The following RBFOX1 variants were observed in gnomAD, a reference collection of about 807,000 sequenced individuals.
RBFOX1 encodes RNA binding fox-1 homolog 1, also known as RNA binding protein fox-1 homolog 1.
Under a neutral mutation model 57.7 loss-of-function variants are expected in RBFOX1, and 8 were observed. The observed-to-expected ratio is 0.14, with a 90% CI of 0.08 to 0.25. The LOEUF (loss-of-function observed/expected upper bound fraction) is 0.25, where lower values mean the gene tolerates loss of function less well. Among genes scored for constraint, RBFOX1 ranks in the 10% least tolerant of loss-of-function variants. The pLI is 1.00. For missense variants in RBFOX1, 611 were observed against 548.5 expected (o/e 1.11, Z -1.14); for synonymous variants, 326 against 222.4 (o/e 1.47, Z -4.15).
At chr16:6,739,762 G>T (rs1349987105) in intron 3 of RBFOX1, among the ~76,000 whole-genome samples, 2 of 151,866 alleles carry the variant, frequency 1.3e-5, no homozygotes, top group African/African-American at 4.8e-5. Flanking sequence ...CTGTAGTCTC[G>T]GCTCCTCGGG....
chr16:7,532,781 G>A (rs2080443705), intron 5 of RBFOX1, among the ~76,000 whole-genome samples: 1 of 152,306 alleles, frequency 6.6e-6, no homozygotes, highest in African/African-American at 2.4e-5. Context: ...GCTTTTGCAT[G>A]ATGACAGCAA....
At chr16:5,491,888 A>G (rs1454593628) in intron 2 of RBFOX1, among the ~76,000 whole-genome samples, 1 of 152,236 alleles carries the variant, frequency 6.6e-6, no homozygotes, top group African/African-American at 2.4e-5. Flanking sequence ...CAAACATACA[A>G]CAATGTCCAG....
intron 4 of RBFOX1, among the ~76,000 whole-genome samples, chr16:7,449,736 G>GGT (rs2098836840): frequency 7.1e-6 from 1 of 140,118 alleles, no homozygotes; most frequent in African/African-American, 2.6e-5. Context: ...GTGTGGGGGG[G>GGT]GGGGGTTGTT....
chr16:6,224,748 C>A (rs1053936241), intron 1 of RBFOX1, among the ~76,000 whole-genome samples: 1 of 152,086 alleles, frequency 6.6e-6, no homozygotes, highest in East Asian at 1.9e-4. Context: ...TGGCCAGGTG[C>A]GGTGGCTCAC....
intron 3 of RBFOX1, among the ~76,000 whole-genome samples, chr16:7,032,844 C>T (rs75447450): frequency 0.022 from 3,330 of 152,288 alleles, 126 homozygotes; most frequent in African/African-American, 0.075. Context: ...GGCATAGCCA[C>T]TCTGGGAAAC....
chr16:6,423,699 C>T (rs1157990158), intron 2 of RBFOX1, among the ~76,000 whole-genome samples: 1 of 152,110 alleles, frequency 6.6e-6, no homozygotes, highest in East Asian at 1.9e-4. Flanking sequence ...AGGAGCAGCA[C>T]TGATGGAGAG....
intron 4 of RBFOX1, among the ~76,000 whole-genome samples, chr16:7,431,937 A>G (rs1011255683): frequency 5.3e-5 from 8 of 152,216 alleles, no homozygotes; most frequent in Non-Finnish European, 7.3e-5. Context: ...AACACAAAAG[A>G]TGATTTTCTC....
chr16:5,867,316 AG>A lies in RBFOX1; in HGVS notation c.334del (p.Ala112LeufsTer39). On this transcript the variant is annotated frameshift_variant, in exon 4 of 20. Coordinates refer to the RBFOX1 transcript ENST00000641259. LOFTEE classifies it high-confidence loss of function. ...TTTAACTTGCAGGTTTCGGCAAGTC[AG>A]GCTACAGGCAAAGCTGAGGTAGGAA... 8.3e-7 allele frequency: 1 copy of A among 1,210,316 alleles called. No homozygotes were observed. Among genetic ancestry groups the A allele is most frequent in the African/African-American group, 1.6e-5 (1 of 64,058 alleles). 75.0% of individuals were successfully genotyped at this position (1,210,316 alleles called of 1,614,324 possible).
At chr16:6,221,974 A>G (rs1427963374) in intron 1 of RBFOX1, among the ~76,000 whole-genome samples, 1 of 152,158 alleles carries the variant, frequency 6.6e-6, no homozygotes, top group Admixed American at 6.5e-5. Flanking sequence ...AGTCCCTATC[A>G]TAAGGGAAGC....
Position 7,460,569 on chromosome 16 carries a change from G to T in RBFOX1, c.28-57578G>T, listed in dbSNP as rs542703494. Among the ~76,000 whole-genome samples, 215 of 146,166 alleles carry T rather than the reference G, an allele frequency of 1.5e-3. 4 individuals are homozygous for T. The highest frequency in any genetic ancestry group is 3.5e-3 in the Middle Eastern group (1 of 286). ...AACACACAGTGGGGTCTACCAGAGGGTGGAAGGTAGGAGGATGGAAAGGAT... is the reference window on the plus strand; with the variant it reads ...AACACACAGTGGGGTCTACCAGAGGTTGGAAGGTAGGAGGATGGAAAGGAT... On this transcript the variant is annotated intron_variant, in intron 4 of 15. Transcript: ENST00000550418.
chr16:6,594,849 C>T (rs568427214), intron 2 of RBFOX1, among the ~76,000 whole-genome samples: 17 of 152,242 alleles, frequency 1.1e-4, no homozygotes, highest in African/African-American at 2.4e-4. Context: ...AGTGCAGTGG[C>T]GTGATCTCAG....
At chr16:6,094,902 A>T (rs184864801) in intron 1 of RBFOX1, among the ~76,000 whole-genome samples, 1 of 152,316 alleles carries the variant, frequency 6.6e-6, no homozygotes, top group East Asian at 1.9e-4. Flanking sequence ...TCTACTAAAA[A>T]TGCAAAAGTT....
At chr16:6,295,952 C>CAT (rs1349178179) in intron 1 of RBFOX1, among the ~76,000 whole-genome samples, 2 of 152,202 alleles carry the variant, frequency 1.3e-5, no homozygotes, top group Non-Finnish European at 2.9e-5. Context: ...ATTTTATTCA[C>CAT]ATATGTCTGT....
chr16:6,778,703 A>G (rs2079808079), intron 3 of RBFOX1, among the ~76,000 whole-genome samples: 1 of 152,008 alleles, frequency 6.6e-6, no homozygotes, highest in Admixed American at 6.6e-5. Context: ...TAGAATTCTT[A>G]AATTAAAGAA....
At chr16:7,383,859 A>C (rs1219824714) in intron 4 of RBFOX1, among the ~76,000 whole-genome samples, 1 of 152,080 alleles carries the variant, frequency 6.6e-6, no homozygotes, top group Non-Finnish European at 1.5e-5. Context: ...GATCGAGACT[A>C]TCCTGGCTAA....
chr16:6,393,060 G>A (rs888051415), intron 2 of RBFOX1, among the ~76,000 whole-genome samples: 1 of 152,164 alleles, frequency 6.6e-6, no homozygotes, highest in Non-Finnish European at 1.5e-5. Context: ...GAGTAAATGG[G>A]GCACTCTGCC....
chr16:6,501,206 T>C (rs190555945), intron 2 of RBFOX1, among the ~76,000 whole-genome samples: 4 of 150,076 alleles, frequency 2.7e-5, no homozygotes, highest in African/African-American at 9.9e-5. Context: ...TTGTTACATA[T>C]GTATACATGT....
intron 3 of RBFOX1, among the ~76,000 whole-genome samples, chr16:7,013,447 G>A (rs1353082718): frequency 6.6e-6 from 1 of 152,180 alleles, no homozygotes; most frequent in Non-Finnish European, 1.5e-5. Context: ...ACTGGGAAGA[G>A]GATGCTACTC....
At chr16:5,595,213 T>A (rs2151193283) in intron 2 of RBFOX1, among the ~76,000 whole-genome samples, 1 of 152,240 alleles carries the variant, frequency 6.6e-6, no homozygotes, top group East Asian at 1.9e-4. Flanking sequence ...GTAAAGGCAG[T>A]TGTTATGCAA....
Sources: allele counts gnomAD v4.1 joint callset (sites outside exome capture counted in the v4.1 genomes callset), GRCh38; gene constraint gnomAD v4.1.1; transcripts MANE v1.5; gene names NCBI Gene and HGNC (gene_info 2026-07-23, HGNC 2026-07-21).